Variants in ESF1 observed in about 807,000 individuals in gnomAD.
ESF1 encodes ESF1 homolog.
Under a neutral mutation model 92.0 loss-of-function variants are expected in ESF1, and 58 were observed. That is an observed-to-expected ratio of 0.63 (90% CI 0.51 to 0.78). The LOEUF (loss-of-function observed/expected upper bound fraction) is 0.78. ESF1 is among the 30% of genes least tolerant of loss of function. The pLI is 0.00. For synonymous variants in ESF1, 321 were observed against 313.7 expected (o/e 1.02, Z -0.24); for missense variants, 922 against 989.1 (o/e 0.93, Z 0.91).
intron 11 of ESF1, among the ~76,000 whole-genome samples, chr20:13,721,537 C>T (rs141970938): frequency 6.6e-6 from 1 of 152,150 alleles, no homozygotes; most frequent in African/African-American, 2.4e-5. Flanking sequence ...TGTGAGAACA[C>T]CTGAAGAAGG....
intron 4 of ESF1, among the ~76,000 whole-genome samples, chr20:13,774,065 A>G (rs1428920274): frequency 2.0e-5 from 3 of 152,082 alleles, no homozygotes; most frequent in South Asian, 2.1e-4. Context: ...ACTGCACTCC[A>G]GCCTGGGCGA....
At chr20:13,764,604 GTATGT>G (rs998394259) in intron 8 of ESF1, among the ~76,000 whole-genome samples, 8 of 152,168 alleles carry the variant, frequency 5.3e-5, no homozygotes, top group African/African-American at 1.4e-4. Context: ...CACATATTTT[GTATGT>G]TATATGTATT....
chr20:13,743,250 AT>A (rs2050027253), intron 9 of ESF1, among the ~76,000 whole-genome samples: 1 of 152,152 alleles, frequency 6.6e-6, no homozygotes, highest in Non-Finnish European at 1.5e-5. Context: ...GAGATAACAA[AT>A]GCTGGTGAGG....
chr20:13,766,785 T>G lies in ESF1; in HGVS notation c.1658A>C (p.Glu553Ala). ...TGAAAGATTAACAATACCTTGTAGC[T>G]CCTCTTCTATCTCCTCTTCATCTTC... ...SSEDEEEIEE[E>A]LQGDDGVNVE... The change falls in exon 8 of 14, where the codon GAG becomes GCG. Residue 553 changes from glutamate (E) to alanine (A), a missense_variant. Glu to Ala is a moderately radical substitution (Grantham distance 107, BLOSUM62 -1). Coordinates refer to ENST00000617257, the MANE Select transcript of ESF1 (RefSeq NM_001276380.2). The G allele has an allele frequency of 1.2e-6, 2 of 1,613,334 alleles. No homozygotes were observed. Among genetic ancestry groups the G allele is most frequent in the Non-Finnish European group, 1.7e-6 (2 of 1,179,632 alleles).
At chr20:13,761,244 G>T (rs925798312) in intron 8 of ESF1, among the ~76,000 whole-genome samples, 1 of 151,976 alleles carries the variant, frequency 6.6e-6, no homozygotes, top group South Asian at 2.1e-4. Context: ...CAAACACTGC[G>T]GAAGGCCGCA....
chr20:13,761,273 A>T (rs1438143898), intron 8 of ESF1, among the ~76,000 whole-genome samples: 1 of 151,770 alleles, frequency 6.6e-6, no homozygotes. Flanking sequence ...TGCCTAGGAA[A>T]ACCAGAGATC....
chr20:13,731,346 A>G lies in ESF1; in HGVS notation c.1950+2375T>C, dbSNP rs2049941111. ...GGAGATTGAGACTATCCTGGCTAACATGGTGAAACCCCGCCTCTACTAAAA... is the reference window on the plus strand; with the variant it reads ...GGAGATTGAGACTATCCTGGCTAACGTGGTGAAACCCCGCCTCTACTAAAA... On this transcript the variant is annotated intron_variant, in intron 10 of 13. Transcript: ENST00000617257. Among the ~76,000 whole-genome samples the G allele has an allele frequency of 2.6e-5, 4 of 151,954 alleles. No individual in the cohort carries two copies. The South Asian group carries it at 8.3e-4, about 31-fold the overall frequency.
rs545950243 is a variant in ESF1, at chr20:13,730,484, T to A, written c.1951-2019A>T. ...CTGCACGCTCCACCTCCCGGATTCA[T>A]GCCATTCTCCTGTCTCAGCCTCCCA... On this transcript the variant is annotated intron_variant, in intron 10 of 13. Transcript: ENST00000617257. 7.1e-4 allele frequency among the ~76,000 whole-genome samples: 106 copies of A among 149,886 alleles called. 1 individual carries two copies. The highest frequency in any genetic ancestry group is 2.4e-3 in the African/African-American group (99 of 40,670).
At chr20:13,769,795 T>C (rs990137279) in intron 7 of ESF1, 112 bp downstream of exon 7, 5 of 782,974 alleles carry the variant, frequency 6.4e-6, no homozygotes, top group Non-Finnish European at 1.0e-5. Context: ...CAAGAAAAAA[T>C]AATAACAAAA....
chr20:13,762,929 C>G (rs1315919957), intron 8 of ESF1: 1 of 262,310 alleles, frequency 3.8e-6, no homozygotes, highest in Non-Finnish European at 7.0e-6. Context: ...GGCACGATCT[C>G]GGCTCACTGC....
At chr20:13,730,699 A>G (rs978439410) in intron 10 of ESF1, among the ~76,000 whole-genome samples, 4 of 149,788 alleles carry the variant, frequency 2.7e-5, no homozygotes, top group African/African-American at 9.7e-5. Flanking sequence ...AAGCGCTTCT[A>G]AGAATTTTTT....
At chr20:13,775,562 A>G (rs932253947) in intron 3 of ESF1, among the ~76,000 whole-genome samples, 2 of 152,180 alleles carry the variant, frequency 1.3e-5, no homozygotes, top group African/African-American at 4.8e-5. Flanking sequence ...CCATGCATGC[A>G]TGAGTAAGGA....
At chr20:13,784,465 T>C (rs1168248359) in intron 1 of ESF1, among the ~76,000 whole-genome samples, 1 of 152,190 alleles carries the variant, frequency 6.6e-6, no homozygotes, top group Admixed American at 6.5e-5. Context: ...CCAGGAGAAG[T>C]ACTGCATGTA....
At chr20:13,770,886 T>C (rs913555198) in intron 6 of ESF1, among the ~76,000 whole-genome samples, 4 of 152,226 alleles carry the variant, frequency 2.6e-5, no homozygotes, top group Non-Finnish European at 4.4e-5. Flanking sequence ...ATTTGAAATA[T>C]GACTACGCAA....
At position 13,731,949 on chromosome 20, in the gene ESF1, C is replaced by G. The variant is rs149293923; in HGVS notation, c.1950+1772G>C. 3.0e-3 allele frequency among the ~76,000 whole-genome samples: 457 copies of G among 152,324 alleles called. 2 individuals carry two copies. The highest frequency in any genetic ancestry group is 4.0e-3 in the Non-Finnish European group (271 of 68,028). On this transcript the variant is annotated intron_variant, in intron 10 of 13. Transcript: ENST00000617257. ...GAGGCATGGAAGCTCCACAGCCCTT[C>G]CCCCATACCTTACCCTATTTCCTCT... is the stretch of plus-strand genomic sequence containing the variant.
At chr20:13,779,544 T>TGG in intron 2 of ESF1, among the ~76,000 whole-genome samples, 1 of 152,266 alleles carries the variant, frequency 6.6e-6, no homozygotes, top group Admixed American at 6.5e-5. Context: ...ATTTCTATTT[T>TGG]CATTTTTTGA....
At chr20:13,754,570 T>G (rs1468941679) in intron 9 of ESF1, among the ~76,000 whole-genome samples, 1 of 152,136 alleles carries the variant, frequency 6.6e-6, no homozygotes. Context: ...TTGAACTTAA[T>G]GTATGAAAAA....
intron 9 of ESF1, among the ~76,000 whole-genome samples, chr20:13,742,596 T>C (rs2050021936): frequency 1.3e-5 from 2 of 152,162 alleles, no homozygotes; most frequent in Non-Finnish European, 1.5e-5. Context: ...CCTAATGGCA[T>C]GATTCATCAT....
Position 13,714,742 on chromosome 20 carries a change from T to A in ESF1, c.*132A>T. The A allele has an allele frequency of 1.1e-6, 1 of 873,344 alleles. No homozygotes were observed. Among genetic ancestry groups the A allele is most frequent in the Admixed American group, 3.1e-5 (1 of 31,786 alleles). The allele number at this position is 873,344 out of a possible 1,614,324, so 54.1% of individuals were successfully genotyped here. A position where few individuals can be genotyped will look rare whatever the true frequency, so the allele number is the denominator to read the frequency against. Reference sequence around the variant, plus strand: ...AAGTACAATTATTTATGGAGAAAAATTTTACTATGTCCAGAAAAAGATTTT... The same window carrying A: ...AAGTACAATTATTTATGGAGAAAAAATTTACTATGTCCAGAAAAAGATTTT... On this transcript the variant is annotated 3_prime_UTR_variant, in exon 14 of 14. Transcript: ENST00000617257.
Sources: gnomAD v4.1 joint callset for allele counts (sites outside exome capture counted in the v4.1 genomes callset) on GRCh38, gnomAD v4.1.1 for gene constraint, MANE v1.5 for transcripts, NCBI Gene and HGNC (gene_info 2026-07-23, HGNC 2026-07-21) for gene names.